The following PACRG variants were observed in gnomAD, a reference collection of about 807,000 sequenced individuals.
The protein encoded by PACRG is parkin coregulated, also known as parkin coregulated gene protein.
In PACRG, 29 loss-of-function variants were observed where a neutral mutation model predicts 29.7. The ratio of observed to expected loss-of-function variants is 0.98; its 90% CI spans 0.73 to 1.33. The LOEUF is 1.33. Among genes scored for constraint, PACRG ranks in the 40% most tolerant of loss-of-function variants. The pLI is 0.00. For missense variants in PACRG, 279 were observed against 316.2 expected, an observed-to-expected ratio of 0.88 and a Z score of 0.89; for synonymous variants, 116 against 118.7, an observed-to-expected ratio of 0.98 and a Z score of 0.15.
At chr6:162,827,712 C>T (rs1209572742) in intron 2 of PACRG, among the ~76,000 whole-genome samples, 1 of 152,156 alleles carries the variant, frequency 6.6e-6, no homozygotes, top group Admixed American at 6.5e-5. Context: ...AGATTACCAA[C>T]CATGCTGCCT....
chr6:162,902,241 T>C (rs1032635635), intron 2 of PACRG, among the ~76,000 whole-genome samples: 2 of 152,232 alleles, frequency 1.3e-5, no homozygotes, highest in African/African-American at 4.8e-5. Context: ...GTTTTACATG[T>C]GATTATAGCT....
At chr6:162,888,186 T>A (rs6922424) in intron 2 of PACRG, among the ~76,000 whole-genome samples, 26,356 of 151,612 alleles carry the variant, frequency 0.17, 2,838 homozygotes, top group East Asian at 0.35. Context: ...TCTGTAGCAG[T>A]GAGGGTGGGC....
At chr6:162,894,690 G>C (rs967606835) in intron 2 of PACRG, among the ~76,000 whole-genome samples, 32 of 152,290 alleles carry the variant, frequency 2.1e-4, no homozygotes, top group African/African-American at 7.5e-4. Flanking sequence ...CTGGATGAAC[G>C]TGTTATAATT....
At chr6:162,947,411 A>ATATAATCATATATAATATATAATCATATG (rs1171300453) in intron 2 of PACRG, among the ~76,000 whole-genome samples, 1 of 62,394 alleles carries the variant, frequency 1.6e-5, no homozygotes, top group Non-Finnish European at 3.7e-5. Context: ...ATAATCATAT[A>ATATAATCATATATAATATATAATCATATG]TAATCATACA....
rs533657850 is a variant in PACRG at position 163,194,963 on chromosome 6, G to C, written c.613+105555G>C. On this transcript the variant is annotated intron_variant, in intron 4 of 4. Transcript: ENST00000366888. ...ATCAGATATTTGGGGCTCTTCAAGTGCCTCCCCTCTACATCGGTGTCCACG... is the reference window on the plus strand; with the variant it reads ...ATCAGATATTTGGGGCTCTTCAAGTCCCTCCCCTCTACATCGGTGTCCACG... Among the ~76,000 whole-genome samples, 6 of 151,994 alleles carry C rather than the reference G, an allele frequency of 3.9e-5. No individual in the cohort carries two copies. In the South Asian group the frequency reaches 1.0e-3, roughly 26 times the overall value.
At chr6:163,071,857 T>TA (rs748293070) in intron 3 of PACRG, among the ~76,000 whole-genome samples, 3 of 151,654 alleles carry the variant, frequency 2.0e-5, no homozygotes, top group Non-Finnish European at 2.9e-5. Flanking sequence ...CCTAAACACA[T>TA]AAAAACCTAC....
intron 4 of PACRG, among the ~76,000 whole-genome samples, chr6:163,098,437 G>A (rs1814795497): frequency 2.0e-5 from 3 of 152,324 alleles, no homozygotes; most frequent in Middle Eastern, 6.8e-3. Context: ...TAGCAGAACA[G>A]AGGGCTCGTC....
chr6:163,196,713 C>T (rs1780465763), intron 4 of PACRG, among the ~76,000 whole-genome samples: 1 of 152,102 alleles, frequency 6.6e-6, no homozygotes, highest in Non-Finnish European at 1.5e-5. Context: ...TACATGTGCA[C>T]ATGACACAAG....
chr6:163,091,599 C>G (rs987023381), intron 4 of PACRG, among the ~76,000 whole-genome samples: 6 of 152,160 alleles, frequency 3.9e-5, no homozygotes, highest in African/African-American at 1.4e-4. Flanking sequence ...ATCTTAGAAA[C>G]CTGTCACAAC....
At chr6:162,892,571 G>T (rs1459439600) in intron 2 of PACRG, among the ~76,000 whole-genome samples, 1 of 152,086 alleles carries the variant, frequency 6.6e-6, no homozygotes, top group Admixed American at 6.6e-5. Context: ...AGCCCAGCGC[G>T]TTCTAGTCTA....
chr6:163,285,112 A>G (rs1202134642), intron 4 of PACRG, among the ~76,000 whole-genome samples: 1 of 151,888 alleles, frequency 6.6e-6, no homozygotes, highest in African/African-American at 2.4e-5. Flanking sequence ...GTGACCACCC[A>G]TCCCAGGGAC....
At position 163,301,677 on chromosome 6, in the gene PACRG, C is replaced by T. The variant is rs187761635; in HGVS notation, c.614-13150C>T. Among the ~76,000 whole-genome samples the T allele has an allele frequency of 3.3e-5, 5 of 152,286 alleles. No homozygotes were observed. The East Asian group carries it at 9.6e-4, about 29-fold the overall frequency. The stretch of plus-strand genomic sequence containing the variant: ...AAACACTCCATGGCGTTCTGTGGGG[C>T]TATACTTCCTGTCCTCTCCCAGAGG... On this transcript the variant is annotated intron_variant, in intron 4 of 4. Coordinates refer to ENST00000366888, the MANE Select transcript of PACRG (RefSeq NM_001080379.2).
intron 3 of PACRG, among the ~76,000 whole-genome samples, chr6:163,075,551 C>T (rs1403494431): frequency 6.6e-6 from 1 of 152,030 alleles, no homozygotes; most frequent in Non-Finnish European, 1.5e-5. Context: ...AATGATAATA[C>T]CTCATGACAA....
intron 1 of PACRG, among the ~76,000 whole-genome samples, chr6:162,787,519 A>G (rs1190275512): frequency 7.2e-6 from 1 of 138,414 alleles, no homozygotes; most frequent in Admixed American, 7.4e-5. Flanking sequence ...TTGTGTGTGT[A>G]TATGTGTGTG....
chr6:163,144,233 C>CAAAAAAAAAAA (rs754157729), intron 4 of PACRG, among the ~76,000 whole-genome samples: 18 of 101,840 alleles, frequency 1.8e-4, no homozygotes, highest in African/African-American at 2.3e-4. Flanking sequence ...CGTCTCAAAA[C>CAAAAAAAAAAA]AAAAAAAAAA....
chr6:162,772,324 A>G (rs1783284574), intron 1 of PACRG, among the ~76,000 whole-genome samples: 1 of 152,216 alleles, frequency 6.6e-6, no homozygotes, highest in African/African-American at 2.4e-5. Flanking sequence ...CCAGGGGTGT[A>G]ACTGAGGCAA....
At chr6:163,153,980 G>C (rs1778210867) in intron 4 of PACRG, among the ~76,000 whole-genome samples, 2 of 152,192 alleles carry the variant, frequency 1.3e-5, no homozygotes, top group Admixed American at 6.5e-5. Context: ...GGCCCTAAGA[G>C]GAAGAACAGC....
chr6:163,247,029 C>T (rs542906202), intron 4 of PACRG, among the ~76,000 whole-genome samples: 17 of 152,198 alleles, frequency 1.1e-4, no homozygotes, highest in Non-Finnish European at 2.4e-4. Context: ...TTGATCATGG[C>T]CAAGGGCCCA....
chr6:162,838,379 C>A (rs944713172), intron 2 of PACRG, among the ~76,000 whole-genome samples: 5 of 152,220 alleles, frequency 3.3e-5, no homozygotes, highest in African/African-American at 1.2e-4. Flanking sequence ...GTAGGCTAAT[C>A]ATTATGAGGG....
Sources: gnomAD v4.1 joint callset for allele counts (sites outside exome capture counted in the v4.1 genomes callset) on GRCh38, gnomAD v4.1.1 for gene constraint, MANE v1.5 for transcripts, NCBI Gene and HGNC (gene_info 2026-07-23, HGNC 2026-07-21) for gene names.